Variants in ILDR2 observed in about 807,000 individuals in gnomAD.
ILDR2 encodes the protein immunoglobulin like domain containing receptor 2.
In ILDR2, 25 loss-of-function variants were observed where a neutral mutation model predicts 66.8. The observed-to-expected ratio is 0.37, with a 90% CI of 0.27 to 0.52. The LOEUF is 0.52. Ranked by LOEUF, ILDR2 falls within the 20% of genes least tolerant of loss-of-function variation. The probability of loss-of-function intolerance (pLI) is 0.88; values close to 1 mark genes in which losing one functional copy is unlikely to be tolerated. For missense variants in ILDR2, 827 were observed against 876.8 expected (o/e 0.94, Z 0.72); for synonymous variants, 367 against 357.2 (o/e 1.03, Z -0.31).
At chr1:166,926,656 A>G (rs1276183322) in intron 7 of ILDR2, among the ~76,000 whole-genome samples, 1 of 151,328 alleles carries the variant, frequency 6.6e-6, no homozygotes, top group Non-Finnish European at 1.5e-5. Context: ...AGGGAGTAGA[A>G]GGGAAAGACT....
At chr1:166,975,101 A>G in intron 1 of ILDR2, 122 bp downstream of exon 1, 1 of 772,662 alleles carries the variant, frequency 1.3e-6, no homozygotes, top group South Asian at 1.6e-5. Flanking sequence ...TTTCCACCAG[A>G]CCGCTAAGCA....
intron 6 of ILDR2, among the ~76,000 whole-genome samples, chr1:166,934,874 A>C (rs1259920302): frequency 6.6e-6 from 1 of 151,818 alleles, no homozygotes; most frequent in African/African-American, 2.4e-5. Flanking sequence ...TCTTTAGCAT[A>C]CTCTTTAGCA....
At chr1:166,967,846 G>A (rs1663052805) in intron 1 of ILDR2, among the ~76,000 whole-genome samples, 1 of 152,166 alleles carries the variant, frequency 6.6e-6, no homozygotes, top group Admixed American at 6.5e-5. Context: ...GAAACTTGGA[G>A]GCACTTTGAC....
chr1:166,940,143 A>C (rs964221550), intron 3 of ILDR2, among the ~76,000 whole-genome samples: 1 of 152,200 alleles, frequency 6.6e-6, no homozygotes, highest in Non-Finnish European at 1.5e-5. Context: ...TCTGAAATAC[A>C]CTGTACATAT....
intron 1 of ILDR2, among the ~76,000 whole-genome samples, chr1:166,963,165 C>T (rs767091977): frequency 3.9e-5 from 6 of 152,152 alleles, no homozygotes; most frequent in Non-Finnish European, 8.8e-5. Flanking sequence ...CAGTTGGTCG[C>T]TAAGTCTAAA....
chr1:166,932,578 T>G (rs1660700311), intron 6 of ILDR2, among the ~76,000 whole-genome samples: 1 of 152,098 alleles, frequency 6.6e-6, no homozygotes, highest in Admixed American at 6.5e-5. Flanking sequence ...TTGACAAAGC[T>G]TAAAGGGATG....
intron 2 of ILDR2, among the ~76,000 whole-genome samples, chr1:166,898,934 C>T (rs1198103465): frequency 6.6e-6 from 1 of 151,784 alleles, no homozygotes; most frequent in Admixed American, 6.6e-5. Context: ...GTGGCACATA[C>T]CTGTAGTCCC....
chr1:166,943,086 T>C (rs1661404079), intron 3 of ILDR2, among the ~76,000 whole-genome samples: 1 of 152,132 alleles, frequency 6.6e-6, no homozygotes, highest in Admixed American at 6.5e-5. Context: ...GTGTAGGTGA[T>C]ATGTGCAGTA....
chr1:166,938,979 C>T (rs1312481059), intron 4 of ILDR2, among the ~76,000 whole-genome samples: 3 of 152,018 alleles, frequency 2.0e-5, no homozygotes, highest in African/African-American at 7.2e-5. Context: ...CATAGGGATT[C>T]GAAGGGACTA....
intron 3 of ILDR2, among the ~76,000 whole-genome samples, chr1:166,951,283 T>C (rs778459819): frequency 6.6e-6 from 1 of 152,122 alleles, no homozygotes; most frequent in Non-Finnish European, 1.5e-5. Context: ...GGGGCCATCA[T>C]CTCTGCCCCA....
At chr1:166,952,039 T>A (rs1662013626) in intron 3 of ILDR2, among the ~76,000 whole-genome samples, 2 of 152,172 alleles carry the variant, frequency 1.3e-5, no homozygotes, top group Admixed American at 1.3e-4. Flanking sequence ...ACATAGGACA[T>A]CAGAAAGAAG....
intron 3 of ILDR2, among the ~76,000 whole-genome samples, chr1:166,955,043 G>A (rs1276978485): frequency 6.6e-6 from 1 of 152,114 alleles, no homozygotes; most frequent in Non-Finnish European, 1.5e-5. Flanking sequence ...CTTCAAACTT[G>A]GCTATTAGGG....
chr1:166,900,095 T>C lies in ILDR2; in HGVS notation n.172-3994A>G, dbSNP rs192493374. 1.6e-3 allele frequency among the ~76,000 whole-genome samples: 248 copies of C among 152,300 alleles called. 2 individuals carry two copies. The highest frequency in any genetic ancestry group is 0.014 in the Admixed American group (211 of 15,296). ...TATATCTCTCTCCAAAGTTCCACAC[T>C]CAGGTCAGCCTCCCAGCCTCTCTTC... is the stretch of plus-strand genomic sequence containing the variant. On this transcript the variant is annotated intron_variant and non_coding_transcript_variant, in intron 2 of 2. Transcript: ENST00000414590.
intron 2 of ILDR2, among the ~76,000 whole-genome samples, chr1:166,896,490 C>A (rs561520831): frequency 6.7e-6 from 1 of 150,374 alleles, no homozygotes; most frequent in Admixed American, 6.6e-5. Context: ...TACAACTAAG[C>A]GGAAGAATTT....
At chr1:166,925,679 T>C (rs903922554) in intron 7 of ILDR2, among the ~76,000 whole-genome samples, 1 of 152,162 alleles carries the variant, frequency 6.6e-6, no homozygotes, top group Non-Finnish European at 1.5e-5. Context: ...TCCCTAGGCT[T>C]CTGTTTCCTC....
chr1:166,952,536 A>C (rs72689303), intron 3 of ILDR2, among the ~76,000 whole-genome samples: 1,541 of 152,302 alleles, frequency 0.01, 13 homozygotes, highest in Non-Finnish European at 0.014. Context: ...TATTTCTGAA[A>C]CCACTGAAAG....
chr1:166,950,726 TAC>T (rs57212569), intron 3 of ILDR2, among the ~76,000 whole-genome samples: 18,391 of 146,344 alleles, frequency 0.13, 1,232 homozygotes, highest in South Asian at 0.17. Flanking sequence ...TGATCTAAAA[TAC>T]ACACACACAC....
At chr1:166,974,990 A>T (rs970817269) in intron 1 of ILDR2, among the ~76,000 whole-genome samples, 3 of 151,638 alleles carry the variant, frequency 2.0e-5, no homozygotes, top group African/African-American at 7.3e-5. Context: ...CTCACTTGTC[A>T]TTGGGCTTCT....
chr1:166,951,835 C>G (rs1662002111), intron 3 of ILDR2, among the ~76,000 whole-genome samples: 1 of 152,126 alleles, frequency 6.6e-6, no homozygotes, highest in African/African-American at 2.4e-5. Context: ...TATAATTTCC[C>G]TCAACCATCC....
Sources: allele counts gnomAD v4.1 joint callset (sites outside exome capture counted in the v4.1 genomes callset), GRCh38; gene constraint gnomAD v4.1.1; transcripts MANE v1.5; gene names NCBI Gene and HGNC (gene_info 2026-07-23, HGNC 2026-07-21).